Variants in LOC400499 observed in about 807,000 individuals in gnomAD.
chr16:11,524,370 C>CATCCATTCAACCA, the LOC400499 span, among the ~76,000 whole-genome samples: 1 of 126,940 alleles, frequency 7.9e-6, no homozygotes, highest in African/African-American at 3.5e-5. Context: ...AGCCACCCAC[C>CATCCATTCAACCA]CTCTCCTGTC....
At chr16:11,469,589 C>T in the LOC400499 span, 2 of 399,062 alleles carry the variant, frequency 5.0e-6, no homozygotes, top group Non-Finnish European at 4.4e-6. Context: ...ATGTCCACCC[C>T]GACGTCCCTC....
chr16:11,398,971 T>G, the LOC400499 span, among the ~76,000 whole-genome samples: 1 of 152,120 alleles, frequency 6.6e-6, no homozygotes, highest in African/African-American at 2.4e-5. Flanking sequence ...TGTGAGCACT[T>G]AGGGGGCCAT....
chr16:11,465,735 AGAAT>A, the LOC400499 span, among the ~76,000 whole-genome samples: 1 of 150,738 alleles, frequency 6.6e-6, no homozygotes, highest in Non-Finnish European at 1.5e-5. Flanking sequence ...ATCACTGCAC[AGAAT>A]AAGACCTTGT....
At chr16:11,393,372 G>C in the LOC400499 span, 1 of 1,232,126 alleles carries the variant, frequency 8.1e-7, no homozygotes, top group East Asian at 3.2e-5. Flanking sequence ...AGCTGAGCTG[G>C]GACCCAGCTG....
chr16:11,514,760 C>A, the LOC400499 span, among the ~76,000 whole-genome samples: 1 of 152,136 alleles, frequency 6.6e-6, no homozygotes, highest in Non-Finnish European at 1.5e-5. Flanking sequence ...AAAGGCACAC[C>A]GGAGATGACA....
the LOC400499 span, among the ~76,000 whole-genome samples, chr16:11,501,517 G>C: frequency 6.6e-6 from 1 of 151,956 alleles, no homozygotes. Context: ...CTACCAAGTC[G>C]AGCTAACTTT....
chr16:11,469,288 G>T, the LOC400499 span: 1 of 399,232 alleles, frequency 2.5e-6, no homozygotes, highest in African/African-American at 2.1e-5. Context: ...AGAGACAAGG[G>T]TTCAACATCT....
chr16:11,504,152 G>A, the LOC400499 span, among the ~76,000 whole-genome samples: 4 of 152,310 alleles, frequency 2.6e-5, no homozygotes, highest in South Asian at 4.1e-4. Flanking sequence ...ATCATTAGTG[G>A]CTTATCCTGG....
chr16:11,407,346 G>T, the LOC400499 span: 3 of 356,072 alleles, frequency 8.4e-6, no homozygotes, highest in East Asian at 4.0e-5. Context: ...AGCTGGGTCA[G>T]AAAAAAAAAA....
chr16:11,472,948 G>A, the LOC400499 span: 9 of 151,892 alleles, frequency 5.9e-5, no homozygotes, highest in Non-Finnish European at 7.4e-5. Flanking sequence ...GCCAACATAG[G>A]AAAAGCCTGT....
At chr16:11,434,386 C>T in the LOC400499 span, among the ~76,000 whole-genome samples, 5 of 152,052 alleles carry the variant, frequency 3.3e-5, no homozygotes, top group South Asian at 2.1e-4. Context: ...TATCCAGGTG[C>T]GGTGGTGAGC....
chr16:11,515,725 G>GAAAAGGGAGGAGGAGGAGA, the LOC400499 span, among the ~76,000 whole-genome samples: 2 of 148,466 alleles, frequency 1.3e-5, no homozygotes, highest in African/African-American at 5.0e-5. Flanking sequence ...GAAGGAGGAG[G>GAAAAGGGAGGAGGAGGAGA]AAAAGGGAGG....
chr16:11,398,353 G>A, the LOC400499 span: 2 of 1,232,286 alleles, frequency 1.6e-6, no homozygotes, highest in Admixed American at 4.2e-5. Flanking sequence ...CTCACCCTGG[G>A]CAGGTCACAG....
the LOC400499 span, among the ~76,000 whole-genome samples, chr16:11,511,922 C>T: frequency 3.3e-5 from 5 of 151,878 alleles, no homozygotes; most frequent in Non-Finnish European, 7.4e-5. Context: ...GAGGCTGACA[C>T]TGGGGGAACC....
chr16:11,421,118 C>T, the LOC400499 span, among the ~76,000 whole-genome samples: 1 of 152,254 alleles, frequency 6.6e-6, no homozygotes, highest in East Asian at 1.9e-4. Flanking sequence ...GTCAGACGGG[C>T]CCCAGGCACT....
chr16:11,475,744 C>G, the LOC400499 span: 2 of 398,550 alleles, frequency 5.0e-6, no homozygotes, highest in Non-Finnish European at 8.9e-6. Flanking sequence ...CAGTGTCAGA[C>G]GCATCATTTT....
the LOC400499 span, chr16:11,390,077 G>A: frequency 3.1e-4 from 375 of 1,220,922 alleles, 1 homozygote; most frequent in African/African-American, 5.4e-3. Context: ...AGGCACGCAG[G>A]ATGCGCTACT....
the LOC400499 span, among the ~76,000 whole-genome samples, chr16:11,438,742 T>C: frequency 6.6e-6 from 1 of 151,704 alleles, no homozygotes; most frequent in Non-Finnish European, 1.5e-5. Context: ...TGAGCCATGA[T>C]TATGCCACTG....
the LOC400499 span, chr16:11,456,738 C>G: frequency 1.6e-6 from 2 of 1,249,176 alleles, no homozygotes; most frequent in Non-Finnish European, 2.2e-6. Flanking sequence ...CAGTTTGAGT[C>G]TTGAGTTAGC....
Sources: gnomAD v4.1 joint callset for allele counts (sites outside exome capture counted in the v4.1 genomes callset) on GRCh38, gnomAD v4.1.1 for gene constraint, MANE v1.5 for transcripts.